The following MITF variants were observed in gnomAD, a reference collection of about 807,000 sequenced individuals.
MITF encodes microphthalmia-associated transcription factor.
MITF carries 17 observed loss-of-function variants against 60.5 expected under a neutral mutation model. That is an observed-to-expected ratio of 0.28 (90% CI 0.19 to 0.42). The LOEUF is 0.42. Among genes scored for constraint, MITF ranks in the 10% least tolerant of loss-of-function variants. The probability of loss-of-function intolerance (pLI) is 1.00; values close to 1 mark genes in which losing one functional copy is unlikely to be tolerated. For missense variants in MITF, 622 were observed against 683.5 expected (o/e 0.91, Z 1.00); for synonymous variants, 260 against 248.5 (o/e 1.05, Z -0.43).
chr3:69,757,505 C>G (rs1325929191), intron 1 of MITF, among the ~76,000 whole-genome samples: 1 of 152,042 alleles, frequency 6.6e-6, no homozygotes, highest in African/African-American at 2.4e-5. Context: ...GGAGAGAAGA[C>G]AGTTGGGGAG....
chr3:69,959,327 A>C lies in MITF; in HGVS notation c.1086A>C (p.Arg362=). 1.2e-6 allele frequency: 2 copies of C among 1,614,150 alleles called. No homozygotes were observed. Among genetic ancestry groups the C allele is most frequent in the Non-Finnish European group, 1.7e-6 (2 of 1,180,014 alleles). Residue 362 remains arginine (R), a synonymous_variant, in exon 9 of 10, where the codon CGA becomes CGC. Coordinates refer to ENST00000352241, the MANE Select transcript of MITF (RefSeq NM_001354604.2). ...TILKASVDYI[R]KLQREQQRAK... is the part of the protein sequence containing the mutation. ...TAAAAGCATCCGTGGACTATATCCG[A>C]AAGTTGCAACGAGAACAGCAACGCG...
intron 1 of MITF, among the ~76,000 whole-genome samples, chr3:69,742,755 G>A (rs1031932515): frequency 6.6e-6 from 1 of 152,196 alleles, no homozygotes; most frequent in Non-Finnish European, 1.5e-5. Flanking sequence ...AAGTGCTCAG[G>A]AAATGTTAGC....
chr3:69,801,095 A>T (rs1478938294), intron 1 of MITF, among the ~76,000 whole-genome samples: 1 of 142,840 alleles, frequency 7.0e-6, no homozygotes, highest in Non-Finnish European at 1.5e-5. Context: ...TATTCCTTAT[A>T]TGCTGTTACC....
At chr3:69,786,519 T>A (rs185046734) in intron 1 of MITF, among the ~76,000 whole-genome samples, 5 of 152,286 alleles carry the variant, frequency 3.3e-5, no homozygotes, top group African/African-American at 4.8e-5. Context: ...TAAATACCCT[T>A]AGCTTACTCA....
chr3:69,757,936 C>A (rs1453282187), intron 1 of MITF, among the ~76,000 whole-genome samples: 3 of 151,002 alleles, frequency 2.0e-5, no homozygotes, highest in Non-Finnish European at 4.4e-5. Flanking sequence ...CCAGATCAGA[C>A]CCTCAAAGGC....
At position 69,833,391 on chromosome 3, in the gene MITF, G is replaced by C. The variant is rs190086938; in HGVS notation, c.105-45743G>C. Among the ~76,000 whole-genome samples, 819 of 152,008 alleles carry C rather than the reference G, an allele frequency of 5.4e-3. 4 individuals carry two copies. Among genetic ancestry groups the C allele is most frequent in the Middle Eastern group, 0.01 (3 of 294 alleles). The stretch of plus-strand genomic sequence containing the variant: ...TTACACTGTATGTGGTTGTTTCCCT[G>C]TTTACACTGTATGTGGTGGTTTCCC... On this transcript the variant is annotated intron_variant, in intron 1 of 9. Coordinates refer to ENST00000352241, the MANE Select transcript of MITF (RefSeq NM_001354604.2).
At chr3:69,754,692 A>C (rs1190661641) in intron 1 of MITF, among the ~76,000 whole-genome samples, 2 of 151,366 alleles carry the variant, frequency 1.3e-5, no homozygotes, top group African/African-American at 2.4e-5. Context: ...GTGAGAATGG[A>C]CTAATACAGA....
rs564885224 is a variant in MITF at position 69,791,702 on chromosome 3, C to A, written c.104+52001C>A. On this transcript the variant is annotated intron_variant, in intron 1 of 9. Coordinates refer to ENST00000352241, the MANE Select transcript of MITF (RefSeq NM_001354604.2). ...TTTTTCAAGATAGGGCTGGTGGCAT[C>A]TAATGGCAAGTAGAGGCAAAATACT... Among the ~76,000 whole-genome samples, 47 of 152,256 alleles carry A rather than the reference C, an allele frequency of 3.1e-4. 1 individual carries two copies. Among genetic ancestry groups the A allele is most frequent in the South Asian group, 2.9e-3 (14 of 4,820 alleles).
At chr3:69,814,184 T>C (rs2063144746) in intron 1 of MITF, among the ~76,000 whole-genome samples, 1 of 152,096 alleles carries the variant, frequency 6.6e-6, no homozygotes, top group Non-Finnish European at 1.5e-5. Context: ...AGGAAACAGG[T>C]TAAATAATCA....
chr3:69,797,575 C>G (rs910999414), intron 1 of MITF, among the ~76,000 whole-genome samples: 7 of 152,134 alleles, frequency 4.6e-5, no homozygotes, highest in South Asian at 4.1e-4. Flanking sequence ...GAGCCCATTT[C>G]ACTCTTTTCT....
chr3:69,860,101 T>C (rs2063986373), intron 1 of MITF, among the ~76,000 whole-genome samples: 2 of 152,204 alleles, frequency 1.3e-5, no homozygotes, highest in Non-Finnish European at 2.9e-5. Context: ...ATATTCTAGA[T>C]TGTAGTTTTC....
intron 6 of MITF, among the ~76,000 whole-genome samples, chr3:69,949,559 T>C (rs1277480310): frequency 1.3e-5 from 2 of 152,170 alleles, no homozygotes; most frequent in African/African-American, 4.8e-5. Flanking sequence ...AGAACCCAGA[T>C]CTGAATTTTC....
At position 69,744,576 on chromosome 3, in the gene MITF, G is replaced by A. The variant is rs908242731; in HGVS notation, c.104+4875G>A. ...TAGCATGGCACCTGACACACAGTAAGTGCTCAGTGCTGACACATAGTAAAT... is the reference window on the plus strand; with the variant it reads ...TAGCATGGCACCTGACACACAGTAAATGCTCAGTGCTGACACATAGTAAAT... On this transcript the variant is annotated intron_variant, in intron 1 of 9. Coordinates refer to ENST00000352241, the MANE Select transcript of MITF (RefSeq NM_001354604.2). Among the ~76,000 whole-genome samples, 3 of 152,332 alleles carry A rather than the reference G, an allele frequency of 2.0e-5. No homozygotes were observed. In the South Asian group the frequency reaches 6.2e-4, roughly 32 times the overall value.
At chr3:69,775,516 A>G (rs1013934461) in intron 1 of MITF, among the ~76,000 whole-genome samples, 1 of 152,242 alleles carries the variant, frequency 6.6e-6, no homozygotes, top group Admixed American at 6.5e-5. Context: ...ACCCAATGAT[A>G]CACACAAATC....
intron 1 of MITF, among the ~76,000 whole-genome samples, chr3:69,750,354 A>T (rs927482924): frequency 6.7e-6 from 1 of 150,256 alleles, no homozygotes; most frequent in Non-Finnish European, 1.5e-5. Context: ...TCTGATAACA[A>T]ACTTTCTAGA....
intron 9 of MITF, among the ~76,000 whole-genome samples, chr3:69,960,826 G>A (rs1188463450): frequency 6.6e-6 from 1 of 152,142 alleles, no homozygotes; most frequent in Non-Finnish European, 1.5e-5. Context: ...ATGGTCTCCA[G>A]TCTTCTGAAT....
intron 2 of MITF, among the ~76,000 whole-genome samples, chr3:69,889,286 G>A (rs2064704087): frequency 6.6e-6 from 1 of 151,606 alleles, no homozygotes; most frequent in Non-Finnish European, 1.5e-5. Context: ...GGCTGTCTTT[G>A]ATTCATAACT....
intron 9 of MITF, among the ~76,000 whole-genome samples, chr3:69,961,064 C>T (rs1004555485): frequency 3.3e-5 from 5 of 152,124 alleles, no homozygotes; most frequent in South Asian, 4.1e-4. Context: ...GGTATTTAAT[C>T]TCTCGAACAT....
intron 1 of MITF, among the ~76,000 whole-genome samples, chr3:69,872,675 C>T (rs2064265485): frequency 6.6e-6 from 1 of 152,000 alleles, no homozygotes; most frequent in African/African-American, 2.4e-5. Context: ...TCTAATCAGT[C>T]ATTGAGATTA....
Sources: gnomAD v4.1 joint callset for allele counts (sites outside exome capture counted in the v4.1 genomes callset) on GRCh38, gnomAD v4.1.1 for gene constraint, MANE v1.5 for transcripts, NCBI Gene and HGNC (gene_info 2026-07-23, HGNC 2026-07-21) for gene names.